The following PDHX variants were observed in gnomAD, a reference collection of about 807,000 sequenced individuals.
PDHX encodes pyruvate dehydrogenase complex component X.
Under a neutral mutation model 55.3 loss-of-function variants are expected in PDHX, and 33 were observed. The ratio of observed to expected loss-of-function variants is 0.60; its 90% CI spans 0.45 to 0.80. The LOEUF is 0.80. Among genes scored for constraint, PDHX ranks in the 30% least tolerant of loss-of-function variants. The pLI, the probability that PDHX is intolerant of heterozygous loss-of-function variation, is 0.00. For synonymous variants in PDHX, 226 were observed against 219.4 expected (o/e 1.03, Z -0.27); for missense variants, 622 against 619.9 (o/e 1.00, Z -0.04).
intron 1 of PDHX, among the ~76,000 whole-genome samples, chr11:34,927,838 C>T (rs962078614): frequency 2.0e-5 from 3 of 152,008 alleles, no homozygotes; most frequent in African/African-American, 7.2e-5. Flanking sequence ...TCCAAAATAT[C>T]TTTCTTTGGT....
At chr11:34,954,992 A>C (rs777520926) in intron 3 of PDHX, among the ~76,000 whole-genome samples, 3 of 152,234 alleles carry the variant, frequency 2.0e-5, no homozygotes, top group African/African-American at 7.2e-5. Context: ...GATAGACTCA[A>C]CATTCAATAT....
intron 7 of PDHX, among the ~76,000 whole-genome samples, chr11:34,973,347 A>G (rs1307123885): frequency 6.6e-6 from 1 of 152,158 alleles, no homozygotes; most frequent in East Asian, 1.9e-4. Flanking sequence ...GGCAGCGTGT[A>G]GTTGGTTCTT....
intron 9 of PDHX, among the ~76,000 whole-genome samples, chr11:34,990,711 A>G (rs566445963): frequency 1.3e-5 from 2 of 152,266 alleles, no homozygotes; most frequent in South Asian, 2.1e-4. Context: ...AATTCATCTC[A>G]TTTTTTACCT....
chr11:34,938,363 G>A (rs1854386121), intron 2 of PDHX, among the ~76,000 whole-genome samples: 1 of 152,194 alleles, frequency 6.6e-6, no homozygotes, highest in African/African-American at 2.4e-5. Context: ...TATGTGTAAT[G>A]TAAATGAAAG....
intron 1 of PDHX, among the ~76,000 whole-genome samples, chr11:34,921,012 T>G (rs954911398): frequency 1.3e-5 from 2 of 152,208 alleles, no homozygotes; most frequent in Non-Finnish European, 2.9e-5. Context: ...AATGGTATGG[T>G]ATTTCTGCCA....
At chr11:34,958,930 C>G (rs1396054727) in intron 4 of PDHX, among the ~76,000 whole-genome samples, 4 of 151,992 alleles carry the variant, frequency 2.6e-5, no homozygotes, top group Non-Finnish European at 5.9e-5. Flanking sequence ...ATATAAAAAT[C>G]TAAAATTTCA....
At chr11:34,955,672 A>G (rs777495781) in intron 3 of PDHX, among the ~76,000 whole-genome samples, 55 of 152,314 alleles carry the variant, frequency 3.6e-4, no homozygotes, top group East Asian at 9.6e-4. Flanking sequence ...GAAGGTGTCA[A>G]TGTTACGTTG....
chr11:34,994,387 G>T (rs1024536687), intron 10 of PDHX, among the ~76,000 whole-genome samples: 1 of 152,208 alleles, frequency 6.6e-6, no homozygotes, highest in Non-Finnish European at 1.5e-5. Flanking sequence ...GGCACTTACC[G>T]TGAATGGAGC....
At chr11:34,934,979 C>G (rs924493972) in intron 2 of PDHX, among the ~76,000 whole-genome samples, 1 of 151,382 alleles carries the variant, frequency 6.6e-6, no homozygotes, top group South Asian at 2.1e-4. Flanking sequence ...GAAATACTTA[C>G]GAATAAAATG....
chr11:34,982,975 G>T (rs1855551735), intron 8 of PDHX, among the ~76,000 whole-genome samples: 1 of 152,102 alleles, frequency 6.6e-6, no homozygotes, highest in Non-Finnish European at 1.5e-5. Context: ...AACAAAAAAA[G>T]AGAATTTTAG....
chr11:34,995,395 T>C lies in PDHX; in HGVS notation c.*223T>C. 1 of 510,918 alleles carries C rather than the reference T, an allele frequency of 2.0e-6. No individual in the cohort carries two copies. 31.6% of individuals were successfully genotyped at this position (510,918 alleles called of 1,614,324 possible). Reference sequence around the variant, plus strand: ...TCTAACTAATAAAGGAAAGAGAATATTTGGTTACTCAGATCCATTTTTAAC... The same window carrying C: ...TCTAACTAATAAAGGAAAGAGAATACTTGGTTACTCAGATCCATTTTTAAC... On this transcript the variant is annotated 3_prime_UTR_variant, in exon 11 of 11. Transcript: ENST00000227868.
chr11:34,969,675 C>CA (rs1293968168), intron 6 of PDHX, among the ~76,000 whole-genome samples: 2 of 152,028 alleles, frequency 1.3e-5, no homozygotes, highest in African/African-American at 2.4e-5. Context: ...ATATTTGTAA[C>CA]AAAAGCTGCT....
At chr11:34,933,959 G>C (rs1854240112) in intron 2 of PDHX, among the ~76,000 whole-genome samples, 1 of 152,052 alleles carries the variant, frequency 6.6e-6, no homozygotes, top group South Asian at 2.1e-4. Flanking sequence ...AGCTTTAGAG[G>C]GTGCTAAGAA....
Position 34,995,933 on chromosome 11 carries a change from T to A in PDHX, c.*761T>A, listed in dbSNP as rs1393005994. On this transcript the variant is annotated 3_prime_UTR_variant, in exon 11 of 11. Transcript: ENST00000227868. Reference sequence around the variant, plus strand: ...GTAAACCGCTTGCCTTCATCTTGAGTCGGAATATATTTAAATAAATTGTGT... The same window carrying A: ...GTAAACCGCTTGCCTTCATCTTGAGACGGAATATATTTAAATAAATTGTGT... 6.6e-6 allele frequency: 1 copy of A among 152,168 alleles called. No homozygotes were observed. Among genetic ancestry groups the A allele is most frequent in the Non-Finnish European group, 1.5e-5 (1 of 67,984 alleles). The allele number at this position is 152,168 out of a possible 1,614,324, so 9.4% of individuals were successfully genotyped here.
At chr11:34,975,982 G>C (rs761838569) in intron 7 of PDHX, among the ~76,000 whole-genome samples, 1 of 152,090 alleles carries the variant, frequency 6.6e-6, no homozygotes, top group Non-Finnish European at 1.5e-5. Flanking sequence ...AAAGTGAGAA[G>C]TTTCTAAAAA....
intron 2 of PDHX, among the ~76,000 whole-genome samples, chr11:34,934,052 A>T (rs927888302): frequency 1.3e-5 from 2 of 152,188 alleles, no homozygotes; most frequent in Non-Finnish European, 2.9e-5. Context: ...CGTAGCTCTG[A>T]GTAACCAAGT....
At chr11:34,959,455 G>T (rs1369454734) in intron 4 of PDHX, among the ~76,000 whole-genome samples, 6 of 152,156 alleles carry the variant, frequency 3.9e-5, no homozygotes, top group Admixed American at 3.3e-4. Context: ...ACAAGTGTTG[G>T]CAAGGACATG....
intron 3 of PDHX, among the ~76,000 whole-genome samples, chr11:34,949,124 C>A (rs979060490): frequency 1.3e-5 from 2 of 152,088 alleles, no homozygotes; most frequent in Non-Finnish European, 2.9e-5. Flanking sequence ...ATATTTTAGG[C>A]CTTTGTGGCT....
intron 2 of PDHX, among the ~76,000 whole-genome samples, chr11:34,937,442 CTTTT>C (rs36061427): frequency 1.5e-5 from 2 of 134,580 alleles, no homozygotes. Flanking sequence ...GAGTTGCTGA[CTTTT>C]TTTTTTTTTT....
Sources: allele counts gnomAD v4.1 joint callset (sites outside exome capture counted in the v4.1 genomes callset), GRCh38; gene constraint gnomAD v4.1.1; transcripts MANE v1.5; gene names NCBI Gene and HGNC (gene_info 2026-07-23, HGNC 2026-07-21).